SIK3: variants seen among roughly 807,000 people sequenced by gnomAD.
SIK3 encodes serine/threonine-protein kinase SIK3.
SIK3 carries 28 observed loss-of-function variants against 144.2 expected under a neutral mutation model. That is an observed-to-expected ratio of 0.19 (90% CI 0.14 to 0.27). SIK3 has a LOEUF of 0.27. Among genes scored for constraint, SIK3 ranks in the 10% least tolerant of loss-of-function variants. SIK3 has a pLI of 1.00. For missense variants in SIK3, 1,319 were observed against 1,776.0 expected, an observed-to-expected ratio of 0.74 and a Z score of 4.62; for synonymous variants, 686 against 676.3, an observed-to-expected ratio of 1.01 and a Z score of -0.22.
At chr11:117,044,355 C>T (rs1038429391) in intron 1 of SIK3, among the ~76,000 whole-genome samples, 3 of 152,142 alleles carry the variant, frequency 2.0e-5, no homozygotes, top group East Asian at 1.9e-4. Flanking sequence ...TTATTCTATA[C>T]ACAGCAAGGT....
chr11:117,040,398 T>C (rs1952686749), intron 1 of SIK3, among the ~76,000 whole-genome samples: 2 of 152,214 alleles, frequency 1.3e-5, no homozygotes, highest in Admixed American at 1.3e-4. Flanking sequence ...TTAATAATGT[T>C]ACTAGGCAAT....
chr11:116,938,795 C>G (rs899147819), intron 3 of SIK3, among the ~76,000 whole-genome samples: 1 of 152,164 alleles, frequency 6.6e-6, no homozygotes, highest in African/African-American at 2.4e-5. Flanking sequence ...CAAAAGGACA[C>G]AGGAGTCAGC....
chr11:116,990,874 T>C (rs1950478092), intron 1 of SIK3, among the ~76,000 whole-genome samples: 1 of 152,212 alleles, frequency 6.6e-6, no homozygotes, highest in Non-Finnish European at 1.5e-5. Flanking sequence ...CCCAAAATCA[T>C]TAATCCTTCA....
At chr11:117,052,481 C>A (rs991923823) in intron 1 of SIK3, among the ~76,000 whole-genome samples, 1 of 152,072 alleles carries the variant, frequency 6.6e-6, no homozygotes, top group South Asian at 2.1e-4. Context: ...AGTCTATCTC[C>A]GGCATTCATT....
At chr11:116,859,929 C>T (rs537382331) in intron 19 of SIK3, among the ~76,000 whole-genome samples, 53 of 152,216 alleles carry the variant, frequency 3.5e-4, no homozygotes, top group Middle Eastern at 6.8e-3. Flanking sequence ...CACATGCACA[C>T]AAATGGCCTG....
At chr11:116,864,000 G>A in intron 15 of SIK3, 182 bp from the exon 16 acceptor site, 3 of 538,670 alleles carry the variant, frequency 5.6e-6, no homozygotes, top group Non-Finnish European at 9.6e-6. Flanking sequence ...CCTTTAGAGG[G>A]CTCCAGGTGT....
At chr11:116,914,436 T>A (rs746344027) in intron 4 of SIK3, among the ~76,000 whole-genome samples, 8 of 152,126 alleles carry the variant, frequency 5.3e-5, no homozygotes, top group Non-Finnish European at 1.2e-4. Flanking sequence ...CTCGAACTCC[T>A]GACCTCAGGT....
chr11:117,081,247 T>C (rs1050985671), intron 1 of SIK3, among the ~76,000 whole-genome samples: 1 of 152,086 alleles, frequency 6.6e-6, no homozygotes, highest in Non-Finnish European at 1.5e-5. Flanking sequence ...TCACTTTCTT[T>C]GTTATACATT....
At chr11:117,069,639 C>G (rs993151698) in intron 1 of SIK3, among the ~76,000 whole-genome samples, 6 of 152,156 alleles carry the variant, frequency 3.9e-5, no homozygotes, top group Admixed American at 1.3e-4. Flanking sequence ...TACTTACCTT[C>G]TTAATTTTTA....
At chr11:116,951,767 G>A (rs555306308) in intron 3 of SIK3, among the ~76,000 whole-genome samples, 24 of 151,724 alleles carry the variant, frequency 1.6e-4, no homozygotes, top group Admixed American at 1.2e-3. Context: ...AGACCTAATC[G>A]CTATAAAAAT....
At chr11:117,085,137 A>G (rs1384478843) in intron 1 of SIK3, among the ~76,000 whole-genome samples, 2 of 151,618 alleles carry the variant, frequency 1.3e-5, no homozygotes, top group Non-Finnish European at 2.9e-5. Flanking sequence ...CTTTTTAGAG[A>G]CAGGGTCTCT....
chr11:116,927,471 C>T lies in SIK3; in HGVS notation c.455-91G>A, dbSNP rs576234680. Reference sequence around the variant, plus strand: ...TAAGGAGGGCTACAAGGGGCCCTCTCGAGTGAGTTAAAGAGGCAAAATGAG... The same window carrying T: ...TAAGGAGGGCTACAAGGGGCCCTCTTGAGTGAGTTAAAGAGGCAAAATGAG... On this transcript the variant is annotated intron_variant, in intron 3 of 24. Coordinates refer to ENST00000445177, the MANE Select transcript of SIK3 (RefSeq NM_001366686.3). 495 of 1,276,434 alleles carry T rather than the reference C, an allele frequency of 3.9e-4. 3 individuals carry two copies. The South Asian group carries it at 5.9e-3, about 15-fold the overall frequency. The allele number at this position is 1,276,434 out of a possible 1,614,324, so 79.1% of individuals were successfully genotyped here. A position where few individuals can be genotyped will look rare whatever the true frequency, so the allele number is the denominator to read the frequency against.
At chr11:116,983,536 A>G (rs913407773) in intron 1 of SIK3, among the ~76,000 whole-genome samples, 1 of 152,136 alleles carries the variant, frequency 6.6e-6, no homozygotes, top group Non-Finnish European at 1.5e-5. Flanking sequence ...TCAAAAAAAA[A>G]AATTGGTCAA....
intron 1 of SIK3, among the ~76,000 whole-genome samples, chr11:117,026,744 A>ATTCT (rs770007544): frequency 2.0e-5 from 3 of 152,240 alleles, no homozygotes; most frequent in Non-Finnish European, 2.9e-5. Context: ...AATGAAGAGA[A>ATTCT]GGCTGGTGCT....
chr11:116,876,395 C>A (rs766088131), intron 7 of SIK3, 32 bp from the exon 8 acceptor site: 2 of 1,504,834 alleles, frequency 1.3e-6, no homozygotes, highest in Non-Finnish European at 1.8e-6. Flanking sequence ...GCTGTCAACC[C>A]CCCAATTAAC....
At chr11:116,848,956 C>G (rs1942210918) in intron 22 of SIK3, among the ~76,000 whole-genome samples, 164 bp downstream of exon 22, 1 of 152,128 alleles carries the variant, frequency 6.6e-6, no homozygotes, top group Non-Finnish European at 1.5e-5. Context: ...GAGTGAGACT[C>G]CATCTCAAAA....
At chr11:116,984,113 C>T (rs1029524153) in intron 1 of SIK3, among the ~76,000 whole-genome samples, 7 of 150,954 alleles carry the variant, frequency 4.6e-5, no homozygotes, top group Non-Finnish European at 7.4e-5. Context: ...GAAGCAGCAG[C>T]GGTTTGTGGG....
chr11:116,980,192 T>C (rs1346929858), intron 1 of SIK3, among the ~76,000 whole-genome samples: 1 of 152,158 alleles, frequency 6.6e-6, no homozygotes, highest in East Asian at 1.9e-4. Context: ...CTACCAAACA[T>C]CATAGCCTGG....
chr11:116,955,158 G>A (rs1346502265), intron 2 of SIK3, among the ~76,000 whole-genome samples: 1 of 152,158 alleles, frequency 6.6e-6, no homozygotes, highest in Non-Finnish European at 1.5e-5. Context: ...AGCACTTTGG[G>A]AGGCCGAGGT....
Sources: gnomAD v4.1 joint callset for allele counts (sites outside exome capture counted in the v4.1 genomes callset) on GRCh38, gnomAD v4.1.1 for gene constraint, MANE v1.5 for transcripts, NCBI Gene and HGNC (gene_info 2026-07-23, HGNC 2026-07-21) for gene names.